FANK1: variants seen among roughly 807,000 people sequenced by gnomAD.
The protein encoded by FANK1 is fibronectin type III and ankyrin repeat domains 1.
In FANK1, 44 loss-of-function variants were observed where a neutral mutation model predicts 45.3. The observed-to-expected ratio is 0.97, with a 90% CI of 0.76 to 1.25. FANK1 has a LOEUF of 1.25. Ranked by LOEUF, FANK1 falls within the 50% of genes most tolerant of loss-of-function variation. The pLI is 0.00. For missense variants in FANK1, 391 were observed against 424.4 expected (o/e 0.92, Z 0.69); for synonymous variants, 149 against 152.5 (o/e 0.98, Z 0.17).
chr10:125,910,861 C>A (rs185250425), intron 1 of FANK1, among the ~76,000 whole-genome samples: 4 of 151,996 alleles, frequency 2.6e-5, no homozygotes, highest in Admixed American at 2.6e-4. Context: ...AGTGAAACCC[C>A]GTCTCTACTA....
chr10:125,953,715 A>T (rs767746539), intron 1 of FANK1, among the ~76,000 whole-genome samples: 30 of 152,160 alleles, frequency 2.0e-4, no homozygotes, highest in Non-Finnish European at 3.7e-4. Flanking sequence ...CTACAACTCC[A>T]AATTCAGCAT....
intron 1 of FANK1, among the ~76,000 whole-genome samples, chr10:125,936,149 A>G (rs995832807): frequency 1.3e-5 from 2 of 152,222 alleles, no homozygotes; most frequent in African/African-American, 4.8e-5. Flanking sequence ...GTATAATTTA[A>G]AGCTCAAACA....
intron 1 of FANK1, among the ~76,000 whole-genome samples, chr10:125,938,441 G>T (rs1948240796): frequency 6.6e-6 from 1 of 152,116 alleles, no homozygotes; most frequent in African/African-American, 2.4e-5. Flanking sequence ...GATGATCCTG[G>T]TATTGGGGCA....
chr10:125,941,726 C>T (rs371624643), intron 1 of FANK1, among the ~76,000 whole-genome samples: 19 of 152,146 alleles, frequency 1.2e-4, no homozygotes, highest in African/African-American at 3.1e-4. Context: ...GTGTGAACCA[C>T]GGCTACTCAC....
intron 1 of FANK1, among the ~76,000 whole-genome samples, chr10:125,970,450 T>G (rs1451266163): frequency 2.0e-5 from 3 of 152,146 alleles, no homozygotes; most frequent in African/African-American, 7.2e-5. Context: ...GAGGCTGCAA[T>G]CTCCGCACTT....
intron 7 of FANK1, among the ~76,000 whole-genome samples, chr10:126,007,469 G>T (rs1953307552): frequency 6.6e-6 from 1 of 152,198 alleles, no homozygotes; most frequent in African/African-American, 2.4e-5. Context: ...TTCTTTGCAT[G>T]AAGAAGAGCT....
intron 1 of FANK1, among the ~76,000 whole-genome samples, chr10:125,926,245 C>T (rs1034082377): frequency 2.0e-5 from 3 of 152,188 alleles, no homozygotes; most frequent in African/African-American, 7.2e-5. Context: ...AGTCTTCACT[C>T]AGTTTCTCCC....
chr10:125,919,534 G>A (rs547445857), intron 1 of FANK1, among the ~76,000 whole-genome samples: 12 of 152,184 alleles, frequency 7.9e-5, no homozygotes, highest in Non-Finnish European at 1.8e-4. Context: ...ATGGACCTGG[G>A]AGATCTTTAT....
intron 1 of FANK1, among the ~76,000 whole-genome samples, chr10:125,907,763 G>A (rs111841408): frequency 2.0e-5 from 3 of 151,970 alleles, no homozygotes; most frequent in Non-Finnish European, 4.4e-5. Context: ...CCAACAGCAG[G>A]TGGTGTCTAG....
intron 1 of FANK1, among the ~76,000 whole-genome samples, chr10:125,954,503 A>C (rs1590028169): frequency 6.6e-6 from 1 of 152,326 alleles, no homozygotes; most frequent in East Asian, 1.9e-4. Flanking sequence ...ATTATTCTTA[A>C]AGGATCAATA....
intron 1 of FANK1, among the ~76,000 whole-genome samples, chr10:125,944,987 C>A (rs536663158): frequency 6.6e-6 from 1 of 152,154 alleles, no homozygotes; most frequent in Non-Finnish European, 1.5e-5. Context: ...TCTCCCCAAC[C>A]GAGCTTGTCT....
intron 3 of FANK1, 107 bp downstream of exon 3, chr10:125,988,782 T>C (rs1349366045): frequency 6.5e-7 from 1 of 1,547,430 alleles, no homozygotes; most frequent in Non-Finnish European, 8.9e-7. Context: ...GAAGCAGAAA[T>C]GATACAATTT....
intron 3 of FANK1, 58 bp from the exon 4 acceptor site, chr10:125,995,358 CG>C (rs1952247635): frequency 6.6e-7 from 1 of 1,508,842 alleles, no homozygotes; most frequent in Admixed American, 1.7e-5. Flanking sequence ...AGGACGATGG[CG>C]GGAAGCAGTC....
At chr10:125,934,735 T>G (rs1031590297) in intron 1 of FANK1, among the ~76,000 whole-genome samples, 33 of 122,760 alleles carry the variant, frequency 2.7e-4, no homozygotes, top group Middle Eastern at 3.7e-3. Context: ...TTTTTTTTTT[T>G]TTTTTTTTTT....
At chr10:125,957,895 C>CT (rs1029516371) in intron 1 of FANK1, among the ~76,000 whole-genome samples, 1 of 151,124 alleles carries the variant, frequency 6.6e-6, no homozygotes, top group African/African-American at 2.4e-5. Context: ...CTTCTGAGTA[C>CT]TTTTTTTTTA....
intron 2 of FANK1, among the ~76,000 whole-genome samples, chr10:125,986,922 C>G (rs772617363): frequency 1.3e-5 from 2 of 152,194 alleles, no homozygotes. Context: ...TAGCCACACA[C>G]TTTGTGCCAT....
intron 1 of FANK1, among the ~76,000 whole-genome samples, chr10:125,956,772 G>T (rs992744419): frequency 1.3e-5 from 2 of 152,196 alleles, no homozygotes; most frequent in African/African-American, 4.8e-5. Flanking sequence ...CGACAAGCCA[G>T]AAGGAAGATG....
intron 1 of FANK1, among the ~76,000 whole-genome samples, chr10:125,969,202 G>C (rs559964764): frequency 6.6e-6 from 1 of 150,506 alleles, no homozygotes; most frequent in African/African-American, 2.4e-5. Context: ...TGAACATAAG[G>C]TCTCCTTTTT....
intron 1 of FANK1, among the ~76,000 whole-genome samples, chr10:125,901,157 A>G (rs1945005058): frequency 6.6e-6 from 1 of 152,178 alleles, no homozygotes; most frequent in Non-Finnish European, 1.5e-5. Flanking sequence ...TAAGAAACTG[A>G]GGTGAATGAC....
Sources: gnomAD v4.1 joint callset for allele counts (sites outside exome capture counted in the v4.1 genomes callset) on GRCh38, gnomAD v4.1.1 for gene constraint, MANE v1.5 for transcripts, NCBI Gene and HGNC (gene_info 2026-07-23, HGNC 2026-07-21) for gene names.